The following ST3GAL3 variants were observed in gnomAD, a reference collection of about 807,000 sequenced individuals.
The protein encoded by ST3GAL3 is CMP-N-acetylneuraminate-beta-1,4-galactoside alpha-2,3-sialyltransferase.
ST3GAL3 carries 21 observed loss-of-function variants against 50.1 expected under a neutral mutation model. That is an observed-to-expected ratio of 0.42 (90% confidence interval 0.30 to 0.60). ST3GAL3 has a LOEUF of 0.60. Among genes scored for constraint, ST3GAL3 ranks in the 20% least tolerant of loss-of-function variants. ST3GAL3 has a pLI of 0.19. For synonymous variants in ST3GAL3, 183 were observed against 190.0 expected, an observed-to-expected ratio of 0.96 and a Z score of 0.30; for missense variants, 353 against 489.4, an observed-to-expected ratio of 0.72 and a Z score of 2.63.
chr1:43,840,531 G>C (rs1476856653), intron 5 of ST3GAL3: 1 of 151,884 alleles, frequency 6.6e-6, no homozygotes, highest in Non-Finnish European at 1.5e-5. Context: ...GCTTCCACTT[G>C]CCTTGTGATA....
chr1:43,740,464 G>A (rs1680385302), intron 2 of ST3GAL3, among the ~76,000 whole-genome samples: 1 of 151,950 alleles, frequency 6.6e-6, no homozygotes, highest in Non-Finnish European at 1.5e-5. Flanking sequence ...TTTCATGGAA[G>A]CCTTGCATAT....
chr1:43,871,256 C>T (rs368962220), intron 5 of ST3GAL3, among the ~76,000 whole-genome samples: 35 of 152,308 alleles, frequency 2.3e-4, no homozygotes, highest in African/African-American at 8.2e-4. Context: ...AAGTACTTGG[C>T]AGGATGTGCA....
intron 5 of ST3GAL3, chr1:43,851,260 G>C (rs1385899530): frequency 6.3e-7 from 1 of 1,577,734 alleles, no homozygotes; most frequent in African/African-American, 1.3e-5. Context: ...ACGTGGCAGA[G>C]ATTTTCTTCT....
At chr1:43,825,276 T>A (rs372293954) in intron 4 of ST3GAL3, among the ~76,000 whole-genome samples, 1 of 152,220 alleles carries the variant, frequency 6.6e-6, no homozygotes, top group African/African-American at 2.4e-5. Context: ...TTCTAAATAT[T>A]GTTTTTATTA....
intron 5 of ST3GAL3, among the ~76,000 whole-genome samples, chr1:43,852,136 C>G (rs771340388): frequency 2.0e-5 from 3 of 152,186 alleles, no homozygotes; most frequent in Non-Finnish European, 2.9e-5. Context: ...GACCAGAGTC[C>G]TGCTTCTCTG....
At chr1:43,726,343 G>C (rs1672904889) in intron 1 of ST3GAL3, among the ~76,000 whole-genome samples, 1 of 152,034 alleles carries the variant, frequency 6.6e-6, no homozygotes, top group South Asian at 2.1e-4. Context: ...CTGGAGTGCG[G>C]TGGCATGATC....
intron 9 of ST3GAL3, among the ~76,000 whole-genome samples, chr1:43,908,721 C>T (rs1457019560): frequency 6.6e-6 from 1 of 151,962 alleles, no homozygotes; most frequent in Non-Finnish European, 1.5e-5. Flanking sequence ...CCGCCACCCC[C>T]TCCAGGTTCA....
chr1:43,838,433 A>G (rs2064802550), intron 5 of ST3GAL3, 122 bp downstream of exon 5: 2 of 948,228 alleles, frequency 2.1e-6, no homozygotes, highest in Non-Finnish European at 3.4e-6. Context: ...GTTCCTGGAA[A>G]GGACTCTGCC....
At chr1:43,818,937 C>T (rs1487023916) in intron 4 of ST3GAL3, among the ~76,000 whole-genome samples, 1 of 152,088 alleles carries the variant, frequency 6.6e-6, no homozygotes, top group Non-Finnish European at 1.5e-5. Flanking sequence ...TGGCAAAGGG[C>T]CAAATGGTAA....
At chr1:43,793,375 A>C (rs992533407) in intron 3 of ST3GAL3, among the ~76,000 whole-genome samples, 1 of 152,218 alleles carries the variant, frequency 6.6e-6, no homozygotes. Context: ...TTTGTGTTAC[A>C]GACATTTCAA....
chr1:43,708,023 C>T (rs1381666983), intron 1 of ST3GAL3: 7 of 152,386 alleles, frequency 4.6e-5, no homozygotes, highest in Non-Finnish European at 8.8e-5. Context: ...GTCATTCGGG[C>T]CCTGCTGTGG....
intron 3 of ST3GAL3, among the ~76,000 whole-genome samples, chr1:43,802,924 TTTTTG>T (rs922670802): frequency 6.6e-6 from 1 of 151,818 alleles, no homozygotes; most frequent in African/African-American, 2.4e-5. Context: ...AGTTGGTTGG[TTTTTG>T]TTTTGTTTTG....
chr1:43,745,707 C>T (rs1291675274), intron 2 of ST3GAL3, among the ~76,000 whole-genome samples: 1 of 152,234 alleles, frequency 6.6e-6, no homozygotes, highest in Non-Finnish European at 1.5e-5. Context: ...TGGCTTACTG[C>T]AGCCTCCGCC....
chr1:43,752,861 A>C (rs533215229), intron 2 of ST3GAL3, among the ~76,000 whole-genome samples: 1 of 152,312 alleles, frequency 6.6e-6, no homozygotes, highest in East Asian at 1.9e-4. Flanking sequence ...TTCACTTTTC[A>C]GTAGAGAAAG....
intron 1 of ST3GAL3, among the ~76,000 whole-genome samples, chr1:43,727,878 A>G (rs1431303256): frequency 1.3e-5 from 2 of 152,064 alleles, no homozygotes; most frequent in Middle Eastern, 3.2e-3. Context: ...AAATAATTTC[A>G]ACTTTTATTT....
At position 43,815,011 on chromosome 1, in the gene ST3GAL3, T is replaced by C. The variant is rs1007889389; in HGVS notation, c.209+78T>C. ...CTGGGTCTCACTTTGAAGGGTCAGC[T>C]CTCATCACTCTTCTGGTGACTGGGG... On this transcript the variant is annotated intron_variant, in intron 4 of 11. Coordinates refer to ENST00000347631, the MANE Select transcript of ST3GAL3 (RefSeq NM_006279.5). The C allele has an allele frequency of 7.9e-6, 11 of 1,398,894 alleles. No homozygotes were observed. The African/African-American group carries it at 1.3e-4, about 16-fold the overall frequency. 86.7% of individuals were successfully genotyped at this position (1,398,894 alleles called of 1,614,324 possible).
intron 3 of ST3GAL3, among the ~76,000 whole-genome samples, chr1:43,793,798 G>A (rs1318407527): frequency 2.0e-5 from 3 of 152,146 alleles, no homozygotes; most frequent in Non-Finnish European, 4.4e-5. Flanking sequence ...GAAAAGGCAG[G>A]CTGGATGGGC....
In ST3GAL3 at chr1:43,920,277, G is replaced by A; in HGVS notation, c.745-127G>A. ...ACACAGATGGGCTTCCTACACCACA[G>A]GCCCTGGGTTCCCCATTAAACGCCT... is the stretch of plus-strand genomic sequence containing the variant. On this transcript the variant is annotated intron_variant, in intron 9 of 11. Transcript: ENST00000347631. The A allele has an allele frequency of 2.6e-6, 3 of 1,135,164 alleles. No individual in the cohort carries two copies. In the South Asian group the frequency reaches 3.8e-5, roughly 14 times the overall value. 70.3% of individuals were successfully genotyped at this position (1,135,164 alleles called of 1,614,324 possible). A position where few individuals can be genotyped will look rare whatever the true frequency, so the allele number is the denominator to read the frequency against.
At chr1:43,922,390 A>C (rs2083190981) in intron 11 of ST3GAL3, 1 of 152,226 alleles carries the variant, frequency 6.6e-6, no homozygotes, top group Non-Finnish European at 1.5e-5. Flanking sequence ...TGATCCCATC[A>C]ACTCAGGAGG....
Sources: gnomAD v4.1 joint callset for allele counts (sites outside exome capture counted in the v4.1 genomes callset) on GRCh38, gnomAD v4.1.1 for gene constraint, MANE v1.5 for transcripts, NCBI Gene and HGNC (gene_info 2026-07-23, HGNC 2026-07-21) for gene names.